Variants in FLNB observed in about 807,000 individuals in gnomAD.
The protein encoded by FLNB is filamin B.
FLNB carries 111 observed loss-of-function variants against 250.6 expected under a neutral mutation model. The observed-to-expected ratio is 0.44, with a 90% confidence interval of 0.38 to 0.52. The LOEUF (loss-of-function observed/expected upper bound fraction) is 0.52, where lower values mean the gene tolerates loss of function less well. Among genes scored for constraint, FLNB ranks in the 20% least tolerant of loss-of-function variants. The pLI, the probability that FLNB is intolerant of heterozygous loss-of-function variation, is 0.00. For synonymous variants in FLNB, 1,302 were observed against 1,372.1 expected (o/e 0.95, Z 1.13); for missense variants, 2,869 against 3,447.8 (o/e 0.83, Z 4.20).
At chr3:58,069,445 T>C (rs1286846372) in intron 1 of FLNB, among the ~76,000 whole-genome samples, 1 of 152,060 alleles carries the variant, frequency 6.6e-6, no homozygotes, top group African/African-American at 2.4e-5. Flanking sequence ...TTCACCATAT[T>C]GTCCAGGCTG....
At chr3:58,112,038 C>A in intron 17 of FLNB, 111 bp from the exon 18 acceptor site, 1 of 1,217,370 alleles carries the variant, frequency 8.2e-7, no homozygotes, top group Non-Finnish European at 1.2e-6. Context: ...CTGGCCAGGC[C>A]CGTTGCTGGC....
At chr3:58,078,573 C>A in intron 2 of FLNB, 144 bp from the exon 3 acceptor site, 1 of 1,526,322 alleles carries the variant, frequency 6.6e-7, no homozygotes, top group Non-Finnish European at 8.8e-7. Context: ...TACTTTTTGC[C>A]TATTAAATAT....
Position 58,097,719 on chromosome 3 carries a change from G to A in FLNB, c.985-96G>A, listed in dbSNP as rs939882. 463,845 of 1,201,756 alleles carry A rather than the reference G, an allele frequency of 0.39. 101,232 individuals carry two copies. The highest frequency in any genetic ancestry group is 0.94 in the East Asian group (37,287 of 39,844). 74.4% of individuals were successfully genotyped at this position (1,201,756 alleles called of 1,614,324 possible). Reference sequence around the variant, plus strand: ...CACCTTGTGTGTGCCATCATGGGAGGGTAGGAGAGGTGATCATCAATGTAT... The same window carrying A: ...CACCTTGTGTGTGCCATCATGGGAGAGTAGGAGAGGTGATCATCAATGTAT... On this transcript the variant is annotated intron_variant, in intron 6 of 45. Transcript: ENST00000295956.
rs774948491 is a variant in FLNB at position 58,118,907 on chromosome 3, T to A, written c.2781T>A (p.Asp927Glu). 6.2e-7 allele frequency: 1 copy of A among 1,614,060 alleles called. No individual in the cohort carries two copies. Among genetic ancestry groups the A allele is most frequent in the Non-Finnish European group, 8.5e-7 (1 of 1,179,992 alleles). Residue 927 changes from aspartate to glutamate, a missense_variant, in exon 19 of 46, where the codon GAT becomes GAA. Physicochemically the swap from Asp to Glu is conservative, Grantham distance 45 (BLOSUM62 2). Coordinates refer to ENST00000295956, the MANE Select transcript of FLNB (RefSeq NM_001457.4). The stretch of plus-strand genomic sequence containing the variant: ...AGGTTCTGGTGACTTACGGTGGCGA[T>A]CCCATCCCTAAAAGCCCTTTCACTG... ...NMQVLVTYGG[D>E]PIPKSPFTVG...
intron 6 of FLNB, among the ~76,000 whole-genome samples, chr3:58,097,509 G>A (rs890835484): frequency 3.9e-5 from 6 of 152,162 alleles, no homozygotes; most frequent in African/African-American, 9.7e-5. Context: ...TTCAGCCCCC[G>A]AAAGGACTCA....
intron 1 of FLNB, among the ~76,000 whole-genome samples, chr3:58,065,254 G>C (rs2097183883): frequency 6.6e-6 from 1 of 152,214 alleles, no homozygotes; most frequent in Non-Finnish European, 1.5e-5. Flanking sequence ...CTGCCCTGGT[G>C]GGCAGAGAAG....
chr3:58,064,677 T>C (rs758714839), intron 1 of FLNB, among the ~76,000 whole-genome samples: 2 of 151,926 alleles, frequency 1.3e-5, no homozygotes, highest in Non-Finnish European at 2.9e-5. Context: ...GCGGCATGCA[T>C]AGGGGACCTC....
At position 58,125,746 on chromosome 3, in the gene FLNB, AG is replaced by A. The variant is rs1187696555; in HGVS notation, c.4061+5del. On this transcript the variant is annotated splice_donor_region_variant and intron_variant, in intron 23 of 45. Transcript: ENST00000295956. Reference sequence around the variant, plus strand: ...AATGTCTTCACCGTGGTTACCAGGTAGGCAAGGCCCTACATTTGGTGTCTTG... The same window carrying A: ...AATGTCTTCACCGTGGTTACCAGGTAGCAAGGCCCTACATTTGGTGTCTTG... 1.9e-6 allele frequency: 3 copies of A among 1,613,986 alleles called. No individual in the cohort carries two copies. Among genetic ancestry groups the A allele is most frequent in the Non-Finnish European group, 2.5e-6 (3 of 1,179,982 alleles).
chr3:58,159,477 GT>G, intron 41 of FLNB, 76 bp from the exon 42 acceptor site: 3 of 1,462,906 alleles, frequency 2.1e-6, no homozygotes, highest in Non-Finnish European at 2.9e-6. Flanking sequence ...GTCACCCACA[GT>G]TTTGGGTAGG....
In FLNB at chr3:58,159,802, A is replaced by C; in HGVS notation, c.7021+116A>C. 2.6e-6 allele frequency: 3 copies of C among 1,136,318 alleles called. No homozygotes were observed. The South Asian group carries it at 3.9e-5, about 15-fold the overall frequency. The allele number at this position is 1,136,318 out of a possible 1,614,324, so 70.4% of individuals were successfully genotyped here. A position where few individuals can be genotyped will look rare whatever the true frequency, so the allele number is the denominator to read the frequency against. ...TTTCATTACTGCCAGTGAGCCTCTG[A>C]ATTCCCTTTGCTGTTGCCAGATATT... On this transcript the variant is annotated intron_variant, in intron 42 of 45. Transcript: ENST00000295956.
chr3:58,130,628 G>A (rs1178572506), intron 24 of FLNB, 113 bp from the exon 25 acceptor site: 2 of 1,023,196 alleles, frequency 2.0e-6, no homozygotes, highest in Non-Finnish European at 3.0e-6. Context: ...AGGGGGAGCT[G>A]ACCGAGGCCT....
intron 23 of FLNB, among the ~76,000 whole-genome samples, 155 bp from the exon 24 acceptor site, chr3:58,126,447 A>G (rs2097298014): frequency 6.6e-6 from 1 of 152,192 alleles, no homozygotes; most frequent in South Asian, 2.1e-4. Context: ...TACTTACATT[A>G]TACTAATGTG....
chr3:58,053,566 T>C (rs1203247478), intron 1 of FLNB, among the ~76,000 whole-genome samples: 1 of 152,198 alleles, frequency 6.6e-6, no homozygotes, highest in Non-Finnish European at 1.5e-5. Flanking sequence ...GTTCAAGTGA[T>C]TCTTCTGCTT....
In FLNB at chr3:58,150,018, T is replaced by G. The variant is rs747902703; in HGVS notation, c.6244+16T>G. 3 of 1,614,146 alleles carry G rather than the reference T, an allele frequency of 1.9e-6. No individual in the cohort carries two copies. In the East Asian group the frequency reaches 6.7e-5, roughly 36 times the overall value. ...CACGTGCCTGGTATGTGCATTCCAT[T>G]CCCCTCCAGGTGGGATGCTTGGGTT... On this transcript the variant is annotated intron_variant, in intron 37 of 45. Coordinates refer to ENST00000295956, the MANE Select transcript of FLNB (RefSeq NM_001457.4).
chr3:58,103,825 T>C lies in FLNB; in HGVS notation c.1484-134T>C. On this transcript the variant is annotated intron_variant, in intron 9 of 45. Coordinates refer to ENST00000295956, the MANE Select transcript of FLNB (RefSeq NM_001457.4). Reference sequence around the variant, plus strand: ...GGCTTTGAGGGGAGAGGTCCCATACTCTGGGGCAGCCCACTTGGTTTTTAT... The same window carrying C: ...GGCTTTGAGGGGAGAGGTCCCATACCCTGGGGCAGCCCACTTGGTTTTTAT... 3.9e-6 allele frequency: 4 copies of C among 1,024,422 alleles called. No individual in the cohort carries two copies. In the South Asian group the frequency reaches 5.1e-5, roughly 13 times the overall value. The allele number at this position is 1,024,422 out of a possible 1,614,324, so 63.5% of individuals were successfully genotyped here.
At position 58,142,776 on chromosome 3, in the gene FLNB, T is replaced by G. The variant is rs751673694; in HGVS notation, c.5284+24T>G. On this transcript the variant is annotated intron_variant, in intron 31 of 45. Transcript: ENST00000295956. The surrounding 1 kb of genome is among the most constrained non-coding windows in gnomAD (Gnocchi z 4.3). ...TGGTAAGCACTTGCCATAAAGGCCG[T>G]CTCATTCTCACTTGCTCTCACGAGC... is the stretch of plus-strand genomic sequence containing the variant. 1 of 1,592,920 alleles carries G rather than the reference T, an allele frequency of 6.3e-7. No homozygotes were observed. The highest frequency in any genetic ancestry group is 1.7e-5 in the Admixed American group (1 of 59,992).
At chr3:58,036,044 A>G (rs1350215185) in intron 1 of FLNB, among the ~76,000 whole-genome samples, 1 of 152,220 alleles carries the variant, frequency 6.6e-6, no homozygotes, top group Admixed American at 6.5e-5. Flanking sequence ...GACTTAGGAC[A>G]GATTTGCTTT....
At position 58,163,207 on chromosome 3, in the gene FLNB, G is replaced by T. The variant is rs1333924505; in HGVS notation, c.7075G>T (p.Val2359Phe). 6.8e-6 allele frequency: 11 copies of T among 1,614,090 alleles called. No individual in the cohort carries two copies. In the Admixed American group the frequency reaches 1.0e-4, roughly 15 times the overall value. Residue 2359 changes from valine to phenylalanine, a missense_variant, in exon 43 of 46, where the codon GTC (valine) becomes TTC (phenylalanine). By Grantham distance (50) the Val-to-Phe change is conservative. This residue lies in a region of FLNB where 1,084 missense variants were observed against 1,315.5 expected (regional missense o/e 0.82). Coordinates refer to ENST00000295956, the MANE Select transcript of FLNB (RefSeq NM_001457.4). ...TGAGAATGGTGTCCACACCATCGATGTCAAGTTCAATGGGAGCCACGTGGT... is the reference window on the plus strand; with the variant it reads ...TGAGAATGGTGTCCACACCATCGATTTCAAGTTCAATGGGAGCCACGTGGT... The part of the protein sequence containing the change: ...PHENGVHTID[V>F]KFNGSHVVGS...
chr3:58,169,731 C>A lies in FLNB; in HGVS notation c.7559C>A (p.Ala2520Glu). 1.9e-6 allele frequency: 3 copies of A among 1,614,046 alleles called. No homozygotes were observed. In the East Asian group the frequency reaches 6.7e-5, roughly 36 times the overall value. Residue 2520 changes from alanine (A) to glutamate (E), a missense_variant, in exon 45 of 46, where the codon GCA (alanine) becomes GAA (glutamate). Transcript: ENST00000295956. The surrounding 1 kb of genome is among the most constrained non-coding windows in gnomAD (Gnocchi z 4.8). ...SDASKVTSKG[A>E]GLSKAFVGQK... is the part of the protein sequence containing the mutation. ...GCCAGCAAGGTGACCTCTAAGGGGG[C>A]AGGGCTCTCAAAGGCCTTTGTGGGC...
Sources: allele counts gnomAD v4.1 joint callset (sites outside exome capture counted in the v4.1 genomes callset), GRCh38; gene constraint gnomAD v4.1.1; regional missense constraint gnomAD v4.1.1; non-coding constraint Gnocchi (gnomAD v3.1); transcripts MANE v1.5; gene names NCBI Gene and HGNC (gene_info 2026-07-23, HGNC 2026-07-21).